The following UNC119B variants were observed in gnomAD, a reference collection of about 807,000 sequenced individuals.
UNC119B encodes unc-119 lipid binding chaperone B.
Under a neutral mutation model 23.4 loss-of-function variants are expected in UNC119B, and 16 were observed. That is an observed-to-expected ratio of 0.68 (90% CI 0.46 to 1.04). The LOEUF (loss-of-function observed/expected upper bound fraction) is 1.04. Ranked by LOEUF, UNC119B falls within the 50% of genes least tolerant of loss-of-function variation. The probability of loss-of-function intolerance (pLI) is 0.00; values close to 1 mark genes in which losing one functional copy is unlikely to be tolerated. For missense variants in UNC119B, 350 were observed against 361.3 expected (o/e 0.97, Z 0.25); for synonymous variants, 144 against 145.4 (o/e 0.99, Z 0.07).
chr12:120,715,417 C>T lies in UNC119B; in HGVS notation c.359-1211C>T, dbSNP rs77962168. Among the ~76,000 whole-genome samples, 69 of 150,788 alleles carry T rather than the reference C, an allele frequency of 4.6e-4. 1 individual carries two copies. The East Asian group carries it at 0.014, about 30-fold the overall frequency. Reference sequence around the variant, plus strand: ...AGATGTTTGATGCTGAAAAAGTCTTCTCTTATGTTGTACTCATGTACAGCT... The same window carrying T: ...AGATGTTTGATGCTGAAAAAGTCTTTTCTTATGTTGTACTCATGTACAGCT... On this transcript the variant is annotated intron_variant, in intron 2 of 4. Transcript: ENST00000344651.
intron 2 of UNC119B, 38 bp downstream of exon 2, chr12:120,713,425 GA>G: frequency 1.3e-6 from 2 of 1,486,122 alleles, no homozygotes; most frequent in South Asian, 2.3e-5. Context: ...AGACAGTTTT[GA>G]GCCAAAGGTC....
At chr12:120,717,843 G>A (rs1423215936) in intron 4 of UNC119B, among the ~76,000 whole-genome samples, 1 of 150,712 alleles carries the variant, frequency 6.6e-6, no homozygotes, top group Non-Finnish European at 1.5e-5. Context: ...GATTACAGGC[G>A]TGAGCCACTG....
chr12:120,710,480 C>A lies in UNC119B; in HGVS notation c.6C>A (p.Ser2Arg). The change falls in exon 1 of 5, where the codon AGC becomes AGA. Residue 2 changes from serine (S) to arginine (R), a missense_variant. Physicochemically the swap from Ser to Arg is moderately radical, Grantham distance 110. Coordinates refer to ENST00000344651, the MANE Select transcript of UNC119B (RefSeq NM_001080533.3). ...GCCATCTTGGCGGCGGAGCGATGAG[C>A]GGGTCTAACCCGAAGGCTGCGGCCG... MSGSNPKAAAAA... is the reference protein window; with the variant it reads MRGSNPKAAAAA... The A allele has an allele frequency of 1.5e-6, 2 of 1,294,776 alleles. No homozygotes were observed. The highest frequency in any genetic ancestry group is 9.8e-7 in the Non-Finnish European group (1 of 1,022,718). The allele number at this position is 1,294,776 out of a possible 1,614,324, so 80.2% of individuals were successfully genotyped here. A position where few individuals can be genotyped will look rare whatever the true frequency, so the allele number is the denominator to read the frequency against.
intron 4 of UNC119B, among the ~76,000 whole-genome samples, chr12:120,717,379 C>G (rs1015980297): frequency 6.6e-6 from 1 of 152,008 alleles, no homozygotes; most frequent in Non-Finnish European, 1.5e-5. Context: ...AAGCGATTCT[C>G]CTGCCTCAGC....
In UNC119B at chr12:120,721,613, T is replaced by G. The variant is rs1447250612; in HGVS notation, c.*1581T>G. 6.5e-6 allele frequency: 1 copy of G among 152,826 alleles called. No individual in the cohort carries two copies. Among genetic ancestry groups the G allele is most frequent in the African/African-American group, 2.4e-5 (1 of 41,454 alleles). 9.5% of individuals were successfully genotyped at this position (152,826 alleles called of 1,614,324 possible). On this transcript the variant is annotated 3_prime_UTR_variant, in exon 5 of 5. Transcript: ENST00000344651. ...GGCCCCGAACCTTGGCCCAGTGCTT[T>G]GTCCCAGGCCAGAGTCTTGGCAATG...
intron 4 of UNC119B, 80 bp from the exon 5 acceptor site, chr12:120,719,840 A>G: frequency 1.0e-6 from 1 of 990,116 alleles, no homozygotes; most frequent in Non-Finnish European, 1.6e-6. Context: ...AGGGGATGCA[A>G]AGTTTTCTCC....
At position 120,723,460 on chromosome 12, in the gene UNC119B, A is replaced by C. The variant is rs139491437; in HGVS notation, c.*3428A>C. The C allele has an allele frequency of 6.6e-6, 1 of 152,492 alleles. No homozygotes were observed. Among genetic ancestry groups the C allele is most frequent in the Non-Finnish European group, 1.5e-5 (1 of 68,022 alleles). 9.4% of individuals were successfully genotyped at this position (152,492 alleles called of 1,614,324 possible). On this transcript the variant is annotated 3_prime_UTR_variant, in exon 5 of 5. Transcript: ENST00000344651. ...AGTCTATTTTTTTTCCTGTAAATCT[A>C]TTTTTTACAGAATATAAGAAACATC...
chr12:120,720,055 A>T lies in UNC119B; in HGVS notation c.*23A>T. The T allele has an allele frequency of 6.4e-7, 1 of 1,555,906 alleles. No homozygotes were observed. Among genetic ancestry groups the T allele is most frequent in the Non-Finnish European group, 8.9e-7 (1 of 1,128,538 alleles). On this transcript the variant is annotated 3_prime_UTR_variant, in exon 5 of 5. Coordinates refer to ENST00000344651, the MANE Select transcript of UNC119B (RefSeq NM_001080533.3). ...TAAGTGCTGCAAGAGTAGATAGGGGAGGTGCTTTGCCGCGGCCACAAGATC... is the reference window on the plus strand; with the variant it reads ...TAAGTGCTGCAAGAGTAGATAGGGGTGGTGCTTTGCCGCGGCCACAAGATC...
chr12:120,720,222 T>A lies in UNC119B; in HGVS notation c.*190T>A, dbSNP rs1882865190. On this transcript the variant is annotated 3_prime_UTR_variant, in exon 5 of 5. Transcript: ENST00000344651. ...CTGTGTTTTCTTCCCCAGTATTTTT[T>A]CTTCCCTTTTTTTCCTGCCCCGTAG... is the stretch of plus-strand genomic sequence containing the variant. 1 of 576,946 alleles carries A rather than the reference T, an allele frequency of 1.7e-6. No individual in the cohort carries two copies. The highest frequency in any genetic ancestry group is 1.9e-5 in the African/African-American group (1 of 52,696). 35.7% of individuals were successfully genotyped at this position (576,946 alleles called of 1,614,324 possible).
At chr12:120,711,006 G>A in intron 1 of UNC119B, 1 of 264,564 alleles carries the variant, frequency 3.8e-6, no homozygotes. Context: ...TGGGTAGAGG[G>A]CCCCGTTCAG....
chr12:120,713,168 G>C, intron 1 of UNC119B, 106 bp from the exon 2 acceptor site: 1 of 870,966 alleles, frequency 1.1e-6, no homozygotes, highest in South Asian at 1.8e-5. Flanking sequence ...TATTTTAAGT[G>C]TGTTGTGTAA....
At chr12:120,716,166 G>A (rs187546612) in intron 2 of UNC119B, among the ~76,000 whole-genome samples, 41 of 152,298 alleles carry the variant, frequency 2.7e-4, no homozygotes, top group African/African-American at 9.1e-4. Context: ...CTTCAACTTG[G>A]TTAACTGCAG....
intron 4 of UNC119B, among the ~76,000 whole-genome samples, chr12:120,718,713 T>C (rs148515281): frequency 6.6e-6 from 1 of 152,358 alleles, no homozygotes; most frequent in East Asian, 1.9e-4. Context: ...AAGTCATTTA[T>C]GAGGGTGTGA....
chr12:120,712,849 C>T (rs549023644), intron 1 of UNC119B, among the ~76,000 whole-genome samples: 1 of 152,210 alleles, frequency 6.6e-6, no homozygotes, highest in Non-Finnish European at 1.5e-5. Flanking sequence ...GTTTGCTGAT[C>T]TCGGCTTTCT....
intron 1 of UNC119B, chr12:120,711,807 G>A (rs1352379031): frequency 6.6e-6 from 1 of 152,284 alleles, no homozygotes; most frequent in Non-Finnish European, 1.5e-5. Context: ...GGGGGGAGTA[G>A]GCCTTGGTCC....
intron 1 of UNC119B, chr12:120,711,770 G>C (rs1396405481): frequency 6.6e-6 from 1 of 152,240 alleles, no homozygotes; most frequent in East Asian, 1.9e-4. Flanking sequence ...GCCGATTGCA[G>C]CTCTAGTAAT....
chr12:120,710,881 C>G, intron 1 of UNC119B, 163 bp downstream of exon 1: 1 of 597,962 alleles, frequency 1.7e-6, no homozygotes, highest in East Asian at 4.1e-5. Context: ...GCTCCCGCCA[C>G]GCTCACGTAG....
rs187848259 is a variant in UNC119B at position 120,711,750 on chromosome 12, A to C, written c.244+1032A>C. 198 of 152,370 alleles carry C rather than the reference A, an allele frequency of 1.3e-3. 1 individual carries two copies. Among genetic ancestry groups the C allele is most frequent in the Non-Finnish European group, 1.8e-3 (120 of 68,064 alleles). 9.4% of individuals were successfully genotyped at this position (152,370 alleles called of 1,614,324 possible). ...AGGCAGCCCAGGGCTGTTCAGGTGC[A>C]CCTCAGGTTGCCGATTGCAGCTCTA... On this transcript the variant is annotated intron_variant, in intron 1 of 4. Transcript: ENST00000344651.
rs1419405641 is a variant in UNC119B, at chr12:120,722,630, G to T, written c.*2598G>T. On this transcript the variant is annotated 3_prime_UTR_variant, in exon 5 of 5. Transcript: ENST00000344651. ...GGGAGCACATTTCATCAGAGTAGCA[G>T]GCCCACCTGGTGCCAGAGGGCCTGC... The T allele has an allele frequency of 1.3e-5, 2 of 152,214 alleles. No homozygotes were observed. The highest frequency in any genetic ancestry group is 4.8e-5 in the African/African-American group (2 of 41,450). The allele number at this position is 152,214 out of a possible 1,614,324, so 9.4% of individuals were successfully genotyped here.
Sources: gnomAD v4.1 joint callset for allele counts (sites outside exome capture counted in the v4.1 genomes callset) on GRCh38, gnomAD v4.1.1 for gene constraint, MANE v1.5 for transcripts, NCBI Gene and HGNC (gene_info 2026-07-23, HGNC 2026-07-21) for gene names.